Variants in CYFIP1 observed in about 807,000 individuals in gnomAD.
CYFIP1 encodes cytoplasmic FMR1-interacting protein 1.
A neutral mutation model predicts 163.5 loss-of-function variants in CYFIP1; 58 were observed. The ratio of observed to expected loss-of-function variants is 0.35; its 90% CI spans 0.29 to 0.44. The LOEUF (loss-of-function observed/expected upper bound fraction) is 0.44. CYFIP1 is among the 20% of genes least tolerant of loss of function. CYFIP1 has a pLI of 1.00. For missense variants in CYFIP1, 1,338 were observed against 1,653.8 expected (o/e 0.81, Z 3.31); for synonymous variants, 663 against 660.7 (o/e 1.00, Z -0.05).
chr15:22,964,770 T>A (rs1209941116), intron 1 of CYFIP1, among the ~76,000 whole-genome samples: 2 of 152,118 alleles, frequency 1.3e-5, no homozygotes, highest in Non-Finnish European at 2.9e-5. Flanking sequence ...AGAAAGTGAT[T>A]TGTCCAAATT....
At chr15:22,872,729 G>T in intron 30 of CYFIP1, 96 bp downstream of exon 30, 2 of 1,314,418 alleles carry the variant, frequency 1.5e-6, no homozygotes, top group South Asian at 1.4e-5. Context: ...TTACGTACTA[G>T]GATGAAAAAC....
intron 22 of CYFIP1, among the ~76,000 whole-genome samples, chr15:22,896,369 T>C (rs1275246440): frequency 2.6e-5 from 4 of 152,266 alleles, no homozygotes; most frequent in Middle Eastern, 3.4e-3. Flanking sequence ...TGTGGGTTTA[T>C]CGTTTTCATC....
chr15:22,950,524 A>C (rs1216721347), intron 1 of CYFIP1, among the ~76,000 whole-genome samples: 1 of 152,188 alleles, frequency 6.6e-6, no homozygotes, highest in Non-Finnish European at 1.5e-5. Flanking sequence ...GAAATGCCAT[A>C]GCCACCCCCG....
At chr15:22,904,234 G>A (rs947877444) in intron 21 of CYFIP1, 18 of 409,668 alleles carry the variant, frequency 4.4e-5, no homozygotes, top group Middle Eastern at 1.5e-3. Context: ...GCCCTGCCCT[G>A]CAGTATAACC....
At chr15:22,934,142 C>G (rs1426428590) in intron 9 of CYFIP1, among the ~76,000 whole-genome samples, 1 of 115,142 alleles carries the variant, frequency 8.7e-6, no homozygotes, top group East Asian at 2.1e-4. Flanking sequence ...GCTAGATCCA[C>G]AGTCATAAAA....
rs1228304229 is a variant in CYFIP1, at chr15:22,869,267, C to A, written c.*761G>T. ...TGGAGCAGCCAACACGGCCGTTTTA[C>A]ACCTCATTTGCCTGCGGAACCCTAA... On this transcript the variant is annotated 3_prime_UTR_variant, in exon 31 of 31. Coordinates refer to ENST00000617928, the MANE Select transcript of CYFIP1 (RefSeq NM_014608.6). 2 of 152,110 alleles carry A rather than the reference C, an allele frequency of 1.3e-5. No homozygotes were observed. The highest frequency in any genetic ancestry group is 2.9e-5 in the Non-Finnish European group (2 of 68,072). 9.4% of individuals were successfully genotyped at this position (152,110 alleles called of 1,614,324 possible).
At chr15:22,977,294 A>G (rs931092680) in intron 1 of CYFIP1, among the ~76,000 whole-genome samples, 3 of 152,088 alleles carry the variant, frequency 2.0e-5, no homozygotes, top group Non-Finnish European at 2.9e-5. Flanking sequence ...TAGCTTTTTC[A>G]TAGATTCCCT....
intron 1 of CYFIP1, among the ~76,000 whole-genome samples, chr15:22,948,222 G>C (rs1489046734): frequency 1.3e-5 from 2 of 152,150 alleles, no homozygotes; most frequent in Non-Finnish European, 2.9e-5. Context: ...TGGAGAGGAA[G>C]CAGCTCAGAA....
At chr15:22,928,539 C>A (rs1445829611) in intron 11 of CYFIP1, among the ~76,000 whole-genome samples, 5 of 152,218 alleles carry the variant, frequency 3.3e-5, no homozygotes, top group Non-Finnish European at 1.5e-5. Flanking sequence ...CTGCCACAGC[C>A]ACCGCCTGGG....
At position 22,873,456 on chromosome 15, in the gene CYFIP1, T is replaced by C. The variant is rs1555394992; in HGVS notation, c.3449+35A>G. 3 of 1,569,920 alleles carry C rather than the reference T, an allele frequency of 1.9e-6. No individual in the cohort carries two copies. The Admixed American group carries it at 5.1e-5, about 27-fold the overall frequency. The stretch of plus-strand genomic sequence containing the variant: ...CCCTCCCCCACAGCTCCTCCCCTCC[T>C]CTGGGGCTTTGTCCTGCTCTCAGCA... On this transcript the variant is annotated intron_variant, in intron 29 of 30. Transcript: ENST00000617928.
chr15:22,931,221 A>T (rs950749681), intron 11 of CYFIP1, among the ~76,000 whole-genome samples: 2 of 152,216 alleles, frequency 1.3e-5, no homozygotes, highest in South Asian at 4.1e-4. Context: ...TCAGCAAAGC[A>T]GCCTGCGTAT....
In CYFIP1 at chr15:22,943,466, A is replaced by C. The variant is rs148054766; in HGVS notation, c.388-112T>G. ...CTCCTCGATGAGAAACGATCTGCCC[A>C]GTGAGGCTCCAGGCCGAAGTGTTTA... On this transcript the variant is annotated intron_variant, in intron 5 of 30. Coordinates refer to ENST00000617928, the MANE Select transcript of CYFIP1 (RefSeq NM_014608.6). The C allele has an allele frequency of 2.6e-4, 314 of 1,208,366 alleles. No individual in the cohort carries two copies. In the African/African-American group the frequency reaches 4.3e-3, roughly 17 times the overall value. The allele number at this position is 1,208,366 out of a possible 1,614,324, so 74.9% of individuals were successfully genotyped here.
chr15:22,948,895 A>T (rs541553905), intron 1 of CYFIP1, among the ~76,000 whole-genome samples: 1 of 152,274 alleles, frequency 6.6e-6, no homozygotes, highest in East Asian at 1.9e-4. Flanking sequence ...CAGAGAGAAA[A>T]AAAGATTGAA....
chr15:22,880,155 T>A (rs2059712526), intron 25 of CYFIP1, 112 bp from the exon 26 acceptor site: 1 of 1,431,582 alleles, frequency 7.0e-7, no homozygotes, highest in South Asian at 1.2e-5. Flanking sequence ...CAAGCCTGGC[T>A]ATAAGGACAG....
chr15:22,917,091 C>A lies in CYFIP1; in HGVS notation c.1675-461G>T. 6.8e-7 allele frequency: 1 copy of A among 1,471,652 alleles called. No homozygotes were observed. The highest frequency in any genetic ancestry group is 9.0e-7 in the Non-Finnish European group (1 of 1,115,060). The allele number at this position is 1,471,652 out of a possible 1,614,324, so 91.2% of individuals were successfully genotyped here. A position where few individuals can be genotyped will look rare whatever the true frequency, so the allele number is the denominator to read the frequency against. The stretch of plus-strand genomic sequence containing the variant: ...AGACGTTAGTCACTCGACACACACA[C>A]CCCAGGCAGGGACACGGGACGCACG... On this transcript the variant is annotated intron_variant, in intron 15 of 30. Coordinates refer to ENST00000617928, the MANE Select transcript of CYFIP1 (RefSeq NM_014608.6). This position sits in a 1 kb window ranked among gnomAD's most constrained non-coding sequence, Gnocchi z 4.2.
At chr15:22,964,876 C>T (rs1211292357) in intron 1 of CYFIP1, among the ~76,000 whole-genome samples, 1 of 152,176 alleles carries the variant, frequency 6.6e-6, no homozygotes, top group African/African-American at 2.4e-5. Context: ...CTACTCTCTG[C>T]TTCTATGAGC....
intron 8 of CYFIP1, among the ~76,000 whole-genome samples, chr15:22,937,502 CAA>C (rs1387354526): frequency 6.6e-6 from 1 of 151,908 alleles, no homozygotes; most frequent in Non-Finnish European, 1.5e-5. Context: ...TAAGCTGGTG[CAA>C]AAGTAATTGC....
At chr15:22,937,786 G>C (rs2061762951) in intron 8 of CYFIP1, among the ~76,000 whole-genome samples, 1 of 151,850 alleles carries the variant, frequency 6.6e-6, no homozygotes, top group East Asian at 1.9e-4. Flanking sequence ...TGTATTTTTA[G>C]TAGAGATGGG....
rs528590821 is a variant in CYFIP1 at position 22,962,663 on chromosome 15, C to T, written c.-6-15372G>A. ...AGGTGATCCACCAGCCTCGGCCTCC[C>T]AAAGTGCTGAGATTACAGACGTGAG... On this transcript the variant is annotated intron_variant, in intron 1 of 30. Coordinates refer to ENST00000617928, the MANE Select transcript of CYFIP1 (RefSeq NM_014608.6). 3.9e-5 allele frequency among the ~76,000 whole-genome samples: 6 copies of T among 152,164 alleles called. No homozygotes were observed. In the East Asian group the frequency reaches 5.8e-4, roughly 15 times the overall value.
Sources: gnomAD v4.1 joint callset for allele counts (sites outside exome capture counted in the v4.1 genomes callset) on GRCh38, gnomAD v4.1.1 for gene constraint, Gnocchi (gnomAD v3.1) non-coding constraint, MANE v1.5 for transcripts, NCBI Gene and HGNC (gene_info 2026-07-23, HGNC 2026-07-21) for gene names.